The following CCDC7 variants were observed in gnomAD, a reference collection of about 807,000 sequenced individuals.
The protein encoded by CCDC7 is coiled-coil domain containing 7.
CCDC7 carries 183 observed loss-of-function variants against 196.9 expected under a neutral mutation model. That is an observed-to-expected ratio of 0.93 (90% CI 0.82 to 1.05). CCDC7 has a LOEUF of 1.05. CCDC7 is among the 50% of genes least tolerant of loss of function. The pLI, the probability that CCDC7 is intolerant of heterozygous loss-of-function variation, is 0.00. For missense variants in CCDC7, 1,540 were observed against 1,482.2 expected (o/e 1.04, Z -0.64); for synonymous variants, 525 against 484.6 (o/e 1.08, Z -1.10).
At chr10:32,874,765 C>CACACAG (rs1555212382) in intron 41 of CCDC7, among the ~76,000 whole-genome samples, 1 of 150,720 alleles carries the variant, frequency 6.6e-6, no homozygotes, top group East Asian at 2.0e-4. Flanking sequence ...CACACACACA[C>CACACAG]ACACACACAC....
intron 35 of CCDC7, 76 bp from the exon 37 acceptor site, chr10:32,845,800 C>CACAT: frequency 2.5e-6 from 3 of 1,207,726 alleles, no homozygotes; most frequent in Non-Finnish European, 2.4e-6. Flanking sequence ...CACACATACA[C>CACAT]ACACACACAG....
upstream of CCDC7, among the ~76,000 whole-genome samples, chr10:32,445,728 G>T (rs752847199): frequency 6.6e-6 from 1 of 152,174 alleles, no homozygotes; most frequent in African/African-American, 2.4e-5. Flanking sequence ...TTGCTTTTAA[G>T]ATCACGAAGC....
At chr10:32,836,874 T>C (rs1054067628) in intron 33 of CCDC7, among the ~76,000 whole-genome samples, 1 of 152,100 alleles carries the variant, frequency 6.6e-6, no homozygotes, top group African/African-American at 2.4e-5. Flanking sequence ...TAGCCATATG[T>C]AGAAAGCTGA....
chr10:32,694,709 C>A (rs987566097), intron 23 of CCDC7, among the ~76,000 whole-genome samples, 170 bp from the exon 25 acceptor site: 4 of 152,076 alleles, frequency 2.6e-5, no homozygotes, highest in African/African-American at 9.7e-5. Context: ...TCACCACACA[C>A]CCATTAAAAA....
At chr10:32,710,463 G>A (rs544028223) in intron 24 of CCDC7, among the ~76,000 whole-genome samples, 45 of 152,314 alleles carry the variant, frequency 3.0e-4, no homozygotes, top group African/African-American at 9.9e-4. Flanking sequence ...CTCAGAGGCC[G>A]TCTGTTGGAT....
intron 11 of CCDC7, 60 bp downstream of exon 12, chr10:32,518,565 A>AT: frequency 7.5e-7 from 1 of 1,337,248 alleles, no homozygotes; most frequent in South Asian, 1.6e-5. Context: ...TTATGTTAGG[A>AT]TAGAAATCAA....
At chr10:32,653,833 TA>T (rs1378532992) in intron 20 of CCDC7, among the ~76,000 whole-genome samples, 4 of 152,196 alleles carry the variant, frequency 2.6e-5, no homozygotes, top group African/African-American at 9.6e-5. Flanking sequence ...TTTTTGAATT[TA>T]TGGAACTTCT....
At chr10:32,828,485 G>GAGAA (rs1491309680) in intron 32 of CCDC7, among the ~76,000 whole-genome samples, 1 of 49,678 alleles carries the variant, frequency 2.0e-5, no homozygotes, top group African/African-American at 6.3e-5. Flanking sequence ...AAGAGGAAGA[G>GAGAA]GAAGAAGAAG....
chr10:32,757,780 G>T (rs1250347387), intron 28 of CCDC7, among the ~76,000 whole-genome samples: 1 of 151,658 alleles, frequency 6.6e-6, no homozygotes, highest in Non-Finnish European at 1.5e-5. Flanking sequence ...GATAGAGACA[G>T]AAAAAACCCT....
At position 32,518,348 on chromosome 10, in the gene CCDC7, A is replaced by C. The variant is rs1319761747; in HGVS notation, c.904-68A>C. ...GAAGACTTTCTTACCTTAATAATTAAATATCTGAATAACCTTTCTACATTG... is the reference window on the plus strand; with the variant it reads ...GAAGACTTTCTTACCTTAATAATTACATATCTGAATAACCTTTCTACATTG... On this transcript the variant is annotated intron_variant, in intron 10 of 41. Transcript: ENST00000639629. The C allele has an allele frequency of 4.2e-6, 6 of 1,438,112 alleles. No individual in the cohort carries two copies. In the Admixed American group the frequency reaches 1.5e-4, roughly 37 times the overall value. The allele number at this position is 1,438,112 out of a possible 1,614,324, so 89.1% of individuals were successfully genotyped here.
At chr10:32,509,237 G>A (rs2045703631) in intron 9 of CCDC7, among the ~76,000 whole-genome samples, 1 of 152,108 alleles carries the variant, frequency 6.6e-6, no homozygotes, top group Admixed American at 6.6e-5. Flanking sequence ...AGATTAGCAA[G>A]CGCAGAAACA....
intron 30 of CCDC7, among the ~76,000 whole-genome samples, chr10:32,808,965 A>G (rs1275481191): frequency 6.6e-6 from 1 of 152,210 alleles, no homozygotes; most frequent in Non-Finnish European, 1.5e-5. Context: ...ACTTGAGATC[A>G]GACATTTGAG....
chr10:32,788,647 G>C (rs117410541), intron 29 of CCDC7, among the ~76,000 whole-genome samples: 1 of 152,058 alleles, frequency 6.6e-6, no homozygotes, highest in Admixed American at 6.6e-5. Flanking sequence ...CTAGTGCCAG[G>C]TCAGCACCAA....
chr10:32,760,682 AC>A (rs1341168607), intron 28 of CCDC7, among the ~76,000 whole-genome samples: 1 of 152,042 alleles, frequency 6.6e-6, no homozygotes, highest in Non-Finnish European at 1.5e-5. Context: ...CCAACATGGC[AC>A]ATGTATACAT....
At chr10:32,571,237 G>T (rs1429616238) in intron 15 of CCDC7, among the ~76,000 whole-genome samples, 1 of 152,094 alleles carries the variant, frequency 6.6e-6, no homozygotes, top group Non-Finnish European at 1.5e-5. Flanking sequence ...TTGAACTCCT[G>T]ACCTCAGGTG....
At chr10:32,446,085 A>T (rs1157136767), upstream of CCDC7, 1 of 152,168 alleles carries the variant, frequency 6.6e-6, no homozygotes, top group Non-Finnish European at 1.5e-5. Context: ...TCGCAGCGTC[A>T]GCGACGCCGG....
chr10:32,833,384 C>A (rs2092373808), intron 32 of CCDC7, among the ~76,000 whole-genome samples: 1 of 150,098 alleles, frequency 6.7e-6, no homozygotes. Context: ...TCAATAAAAT[C>A]CATGTGTAAC....
chr10:32,560,661 C>A (rs1370847743), intron 13 of CCDC7, among the ~76,000 whole-genome samples: 1 of 152,284 alleles, frequency 6.6e-6, no homozygotes, highest in Non-Finnish European at 1.5e-5. Flanking sequence ...TAAAAGAGCT[C>A]CTGAAGGAAG....
At chr10:32,608,277 G>C (rs541594629) in intron 18 of CCDC7, among the ~76,000 whole-genome samples, 1 of 151,686 alleles carries the variant, frequency 6.6e-6, no homozygotes, top group African/African-American at 2.4e-5. Context: ...CCTTTATACT[G>C]TTTTTAGTAT....
Sources: allele counts gnomAD v4.1 joint callset (sites outside exome capture counted in the v4.1 genomes callset), GRCh38; gene constraint gnomAD v4.1.1; transcripts MANE v1.5; gene names NCBI Gene and HGNC (gene_info 2026-07-23, HGNC 2026-07-21).